LRRC37A2: variants seen among roughly 807,000 people sequenced by gnomAD.
LRRC37A2 encodes the protein leucine rich repeat containing 37 member A2.
LRRC37A2 carries 9 observed loss-of-function variants against 68.8 expected under a neutral mutation model. That is an observed-to-expected ratio of 0.13 (90% CI 0.08 to 0.23). The LOEUF is 0.23. LRRC37A2 is among the 10% of genes least tolerant of loss of function. The pLI is 1.00. For missense variants in LRRC37A2, 168 were observed against 950.4 expected (o/e 0.18, Z 10.82); for synonymous variants, 63 against 367.6 (o/e 0.17, Z 9.48).
At chr17:46,978,670 C>T in the LRRC37A2 span, 1 of 1,609,078 alleles carries the variant, frequency 6.2e-7, no homozygotes, top group Non-Finnish European at 8.5e-7. Context: ...GATGGCTGCG[C>T]CCACGTCCTT....
At chr17:46,896,708 A>G in the LRRC37A2 span, among the ~76,000 whole-genome samples, 1 of 152,056 alleles carries the variant, frequency 6.6e-6, no homozygotes, top group African/African-American at 2.4e-5. Context: ...GGCCCTGCCT[A>G]TTTCCCTCCA....
chr17:46,755,212 G>T, the LRRC37A2 span: 3 of 807,802 alleles, frequency 3.7e-6, no homozygotes, highest in Admixed American at 1.9e-5. Context: ...ACCTAGCAGA[G>T]CATTGATGAA....
At chr17:46,883,886 C>A in the LRRC37A2 span, among the ~76,000 whole-genome samples, 3 of 152,212 alleles carry the variant, frequency 2.0e-5, no homozygotes, top group Non-Finnish European at 2.9e-5. Flanking sequence ...CACTCCCATC[C>A]CTCCTCAAGT....
the LRRC37A2 span, among the ~76,000 whole-genome samples, chr17:46,779,053 TCACACACACACACACACA>T: frequency 1.6e-3 from 157 of 100,668 alleles, 1 homozygote; most frequent in Non-Finnish European, 2.1e-3. Context: ...CCCTACCCCA[TCACACACACACACACACA>T]CACACACACA....
chr17:46,988,390 T>C, the LRRC37A2 span, among the ~76,000 whole-genome samples: 7 of 152,286 alleles, frequency 4.6e-5, no homozygotes, highest in East Asian at 1.4e-3. Flanking sequence ...GCTGAAATGT[T>C]TTGGAAGTGG....
the LRRC37A2 span, chr17:46,487,022 ATTTTGT>A: frequency 2.8e-6 from 2 of 712,696 alleles, 1 homozygote; most frequent in Non-Finnish European, 4.1e-6. Context: ...AAGTCCTTAC[ATTTTGT>A]TTTTATCTCT....
the LRRC37A2 span, among the ~76,000 whole-genome samples, chr17:46,905,148 T>C: frequency 6.6e-6 from 1 of 151,994 alleles, no homozygotes; most frequent in Non-Finnish European, 1.5e-5. Flanking sequence ...CTCGGCTCAC[T>C]GCAACCTCTG....
the LRRC37A2 span, among the ~76,000 whole-genome samples, chr17:46,727,584 G>T: frequency 6.6e-6 from 1 of 152,116 alleles, no homozygotes; most frequent in African/African-American, 2.4e-5. Context: ...AGTTTTGGCA[G>T]TGTCTGTTAT....
At chr17:46,887,214 C>G in the LRRC37A2 span, among the ~76,000 whole-genome samples, 4 of 152,142 alleles carry the variant, frequency 2.6e-5, no homozygotes, top group African/African-American at 9.7e-5. Flanking sequence ...ATTGCTCTAT[C>G]TCCTGATAAT....
the LRRC37A2 span, chr17:46,851,546 C>G: frequency 1.6e-6 from 1 of 641,876 alleles, no homozygotes; most frequent in Admixed American, 4.6e-5. The surrounding 1 kb of genome is among the most constrained non-coding windows in gnomAD (Gnocchi z 4.3). Context: ...TGCCCCGCCC[C>G]ACCCGGGTTT....
chr17:46,791,229 T>C, the LRRC37A2 span, among the ~76,000 whole-genome samples: 4 of 152,092 alleles, frequency 2.6e-5, no homozygotes, highest in Admixed American at 2.0e-4. Context: ...TTTTTTTTTT[T>C]CTGAGACAGA....
At chr17:46,989,467 C>T in the LRRC37A2 span, among the ~76,000 whole-genome samples, 2 of 152,236 alleles carry the variant, frequency 1.3e-5, no homozygotes, top group Non-Finnish European at 2.9e-5. Context: ...AATTAGGCTT[C>T]CCCTGCCCCC....
chr17:47,023,721 C>T, the LRRC37A2 span, among the ~76,000 whole-genome samples: 8 of 151,760 alleles, frequency 5.3e-5, no homozygotes, highest in Admixed American at 1.3e-4. Context: ...CAGCCTCCCG[C>T]GTAGCTGGAA....
chr17:46,886,591 AAGCTGT>A, the LRRC37A2 span: 1 of 151,912 alleles, frequency 6.6e-6, no homozygotes, highest in Non-Finnish European at 1.5e-5. Context: ...GTAACCAATT[AAGCTGT>A]ATCTACACCT....
the LRRC37A2 span, among the ~76,000 whole-genome samples, chr17:46,605,287 G>A: frequency 1.2e-4 from 8 of 66,512 alleles, no homozygotes; most frequent in African/African-American, 4.4e-4. Context: ...TGTCTCTACT[G>A]AAAATACAAA....
chr17:46,927,057 A>G, the LRRC37A2 span, among the ~76,000 whole-genome samples: 1 of 152,156 alleles, frequency 6.6e-6, no homozygotes. Context: ...TTCCTTATTA[A>G]TGCATATGTC....
the LRRC37A2 span, among the ~76,000 whole-genome samples, chr17:46,900,187 ATATATATATAT>A: frequency 7.9e-6 from 1 of 126,940 alleles, no homozygotes; most frequent in African/African-American, 3.7e-5. Flanking sequence ...ATATATATAT[ATATATATATAT>A]ATATACACAC....
At chr17:46,963,785 G>C in the LRRC37A2 span, 2 of 152,200 alleles carry the variant, frequency 1.3e-5, no homozygotes, top group Non-Finnish European at 2.9e-5. Flanking sequence ...GAGAGGTGGG[G>C]ACTGGCTGAA....
At chr17:46,902,916 G>A in the LRRC37A2 span, among the ~76,000 whole-genome samples, 24 of 152,252 alleles carry the variant, frequency 1.6e-4, no homozygotes, top group African/African-American at 4.3e-4. Context: ...GCACATAGAT[G>A]CAGTGCTAGC....
Sources: gnomAD v4.1 joint callset for allele counts (sites outside exome capture counted in the v4.1 genomes callset) on GRCh38, gnomAD v4.1.1 for gene constraint, Gnocchi (gnomAD v3.1) non-coding constraint, MANE v1.5 for transcripts, NCBI Gene and HGNC (gene_info 2026-07-23, HGNC 2026-07-21) for gene names.